Variants in SDK1 observed in about 807,000 individuals in gnomAD.
SDK1 encodes protein sidekick-1.
Under a neutral mutation model 245.5 loss-of-function variants are expected in SDK1, and 157 were observed. The observed-to-expected ratio is 0.64, with a 90% confidence interval of 0.56 to 0.73. The LOEUF (loss-of-function observed/expected upper bound fraction) is 0.73, where lower values mean the gene tolerates loss of function less well. Among genes scored for constraint, SDK1 ranks in the 30% least tolerant of loss-of-function variants. The probability of loss-of-function intolerance (pLI) is 0.00; values close to 1 mark genes in which losing one functional copy is unlikely to be tolerated. For synonymous variants in SDK1, 1,647 were observed against 1,278.5 expected (o/e 1.29, Z -6.15); for missense variants, 3,583 against 3,002.3 (o/e 1.19, Z -4.52).
At chr7:3,632,058 C>A (rs1782309064) in intron 2 of SDK1, among the ~76,000 whole-genome samples, 1 of 152,084 alleles carries the variant, frequency 6.6e-6, no homozygotes, top group Non-Finnish European at 1.5e-5. Context: ...GAGAACCTGG[C>A]ATTATAAAGA....
chr7:4,219,357 G>A (rs1294704536), intron 38 of SDK1, among the ~76,000 whole-genome samples: 2 of 152,170 alleles, frequency 1.3e-5, no homozygotes, highest in Admixed American at 6.5e-5. Flanking sequence ...TTGAGACTGG[G>A]TAATTTATAA....
At chr7:3,892,877 A>T (rs911722133) in intron 5 of SDK1, among the ~76,000 whole-genome samples, 1 of 152,190 alleles carries the variant, frequency 6.6e-6, no homozygotes, top group Non-Finnish European at 1.5e-5. Context: ...CCTCTTCAAT[A>T]TTAACCAAGA....
intron 1 of SDK1, among the ~76,000 whole-genome samples, chr7:3,615,554 A>T (rs1014752986): frequency 6.6e-6 from 1 of 151,662 alleles, no homozygotes; most frequent in African/African-American, 2.4e-5. Flanking sequence ...CGCTTAAGGG[A>T]CAGCGACTGT....
At chr7:3,967,599 A>G (rs1425777119) in intron 10 of SDK1, among the ~76,000 whole-genome samples, 165 bp downstream of exon 10, 2 of 152,188 alleles carry the variant, frequency 1.3e-5, no homozygotes, top group Non-Finnish European at 2.9e-5. Context: ...GGCACCAGGG[A>G]CCTGTTTCTT....
intron 1 of SDK1, among the ~76,000 whole-genome samples, chr7:3,404,087 A>G (rs1333694720): frequency 6.6e-6 from 1 of 151,430 alleles, no homozygotes; most frequent in South Asian, 2.1e-4. Flanking sequence ...TTAATTAAAC[A>G]TTTTCTAAAA....
intron 5 of SDK1, among the ~76,000 whole-genome samples, chr7:3,903,179 C>A (rs1405233593): frequency 8.7e-5 from 13 of 149,542 alleles, no homozygotes; most frequent in Non-Finnish European, 1.5e-4. Flanking sequence ...GACGAGACTC[C>A]GTCGCTCAGG....
At chr7:3,644,747 T>TGG (rs1167346107) in intron 4 of SDK1, among the ~76,000 whole-genome samples, 1 of 114,002 alleles carries the variant, frequency 8.8e-6, no homozygotes, top group Non-Finnish European at 1.6e-5. Context: ...TACTCCAGCC[T>TGG]GGGTGACAGA....
intron 28 of SDK1, among the ~76,000 whole-genome samples, chr7:4,139,617 G>GTATATA (rs1159062563): frequency 0.03 from 1,516 of 50,548 alleles, 295 homozygotes; most frequent in African/African-American, 0.084. Context: ...GTGTGTATAT[G>GTATATA]TGTGTGTGTA....
chr7:3,558,034 G>C (rs1034631615), intron 1 of SDK1, among the ~76,000 whole-genome samples: 7 of 108,968 alleles, frequency 6.4e-5, no homozygotes, highest in African/African-American at 2.5e-4. Flanking sequence ...CTCATAGTTT[G>C]AAGTTTCCCT....
chr7:4,086,361 GC>G lies in SDK1; in HGVS notation c.3324+6778del, dbSNP rs570142215. Among the ~76,000 whole-genome samples, 26 of 152,310 alleles carry G rather than the reference GC, an allele frequency of 1.7e-4. No homozygotes were observed. The East Asian group carries it at 4.8e-3, about 28-fold the overall frequency. ...CATACATGTGTCATCTTCTAGTTCT[GC>G]AGGTCAGAAGTCCAGCATGGGTCTC... is the stretch of plus-strand genomic sequence containing the variant. On this transcript the variant is annotated intron_variant, in intron 22 of 44. Transcript: ENST00000404826.
chr7:3,814,659 G>A (rs1402898475), intron 4 of SDK1, among the ~76,000 whole-genome samples: 3 of 151,972 alleles, frequency 2.0e-5, no homozygotes, highest in Admixed American at 1.3e-4. Context: ...GAAAGTCATT[G>A]GTAGCTTGAT....
intron 1 of SDK1, among the ~76,000 whole-genome samples, chr7:3,312,603 G>T (rs1252907323): frequency 1.3e-5 from 2 of 151,930 alleles, no homozygotes; most frequent in African/African-American, 4.8e-5. Context: ...CAATGGACAG[G>T]TTAAAGAGCC....
chr7:4,118,942 G>C (rs775883565), intron 25 of SDK1, among the ~76,000 whole-genome samples: 11 of 148,590 alleles, frequency 7.4e-5, no homozygotes, highest in Non-Finnish European at 1.5e-4. Flanking sequence ...GAGAGGAATG[G>C]GAAGTGATGG....
chr7:3,886,181 C>T (rs912593297), intron 5 of SDK1, among the ~76,000 whole-genome samples: 1 of 152,176 alleles, frequency 6.6e-6, no homozygotes, highest in African/African-American at 2.4e-5. Context: ...GGATCTGGGC[C>T]TTCTACAGCA....
At chr7:4,028,081 G>C (rs576417845) in intron 17 of SDK1, among the ~76,000 whole-genome samples, 15 of 152,106 alleles carry the variant, frequency 9.9e-5, no homozygotes, top group African/African-American at 2.7e-4. Flanking sequence ...ATTGACAGTG[G>C]TGGTTCTCAG....
At chr7:3,723,856 A>G (rs900071075) in intron 4 of SDK1, among the ~76,000 whole-genome samples, 1 of 129,384 alleles carries the variant, frequency 7.7e-6, no homozygotes, top group Non-Finnish European at 1.7e-5. Context: ...GTACATATAC[A>G]TATACACGTG....
At chr7:4,084,665 T>TGTTATGTTAC (rs200663562) in intron 22 of SDK1, among the ~76,000 whole-genome samples, 2 of 116,744 alleles carry the variant, frequency 1.7e-5, no homozygotes, top group East Asian at 2.1e-4. Flanking sequence ...TAAATGTATA[T>TGTTATGTTAC]GTTATGTTAC....
In SDK1 at chr7:3,723,941, T is replaced by TAGAGAG. The variant is rs1232137046; in HGVS notation, c.713+81837_713+81838insGAGAGA. ...ATATACACGTATATATATATATATA[T>TAGAGAG]ATAGAGAGAGAGAGAGAGAGAGAGA... On this transcript the variant is annotated intron_variant, in intron 4 of 44. Coordinates refer to ENST00000404826, the MANE Select transcript of SDK1 (RefSeq NM_152744.4). Among the ~76,000 whole-genome samples the TAGAGAG allele has an allele frequency of 3.6e-5, 4 of 111,358 alleles. No homozygotes were observed. In the East Asian group the frequency reaches 6.9e-4, roughly 19 times the overall value. The allele number at this position is 111,358 out of a possible 152,430, so 73.1% of individuals were successfully genotyped here.
intron 4 of SDK1, among the ~76,000 whole-genome samples, chr7:3,820,670 A>G (rs1211367159): frequency 3.9e-5 from 6 of 152,210 alleles, no homozygotes; most frequent in Non-Finnish European, 8.8e-5. Context: ...CTGCCTGTGA[A>G]AACACCTTCT....
Sources: gnomAD v4.1 joint callset for allele counts (sites outside exome capture counted in the v4.1 genomes callset) on GRCh38, gnomAD v4.1.1 for gene constraint, MANE v1.5 for transcripts, NCBI Gene and HGNC (gene_info 2026-07-23, HGNC 2026-07-21) for gene names.